USP49: variants seen among roughly 807,000 people sequenced by gnomAD.
The protein encoded by USP49 is ubiquitin specific peptidase 49.
Under a neutral mutation model 58.6 loss-of-function variants are expected in USP49, and 24 were observed. The ratio of observed to expected loss-of-function variants is 0.41; its 90% CI spans 0.30 to 0.58. The LOEUF (loss-of-function observed/expected upper bound fraction) is 0.58. Among genes scored for constraint, USP49 ranks in the 20% least tolerant of loss-of-function variants. USP49 has a pLI of 0.30. For synonymous variants in USP49, 408 were observed against 365.1 expected (o/e 1.12, Z -1.34); for missense variants, 703 against 866.1 (o/e 0.81, Z 2.36).
intron 1 of USP49, among the ~76,000 whole-genome samples, chr6:41,895,112 GC>G (rs2127368870): frequency 7.0e-6 from 1 of 143,596 alleles, no homozygotes; most frequent in South Asian, 2.2e-4. Context: ...GGCGCGCGCT[GC>G]CTTTGTCGCC....
chr6:41,875,687 TC>T (rs1774491554), intron 2 of USP49, among the ~76,000 whole-genome samples: 1 of 152,208 alleles, frequency 6.6e-6, no homozygotes, highest in South Asian at 2.1e-4. Context: ...TTAAGTGTTT[TC>T]CTTGACCCAG....
intron 3 of USP49, among the ~76,000 whole-genome samples, chr6:41,856,243 C>T (rs1474785874): frequency 4.6e-5 from 7 of 151,090 alleles, no homozygotes; most frequent in Non-Finnish European, 8.8e-5. Flanking sequence ...GGCGTGGTGG[C>T]GGGCGCCTGT....
chr6:41,829,568 C>T (rs1467562184), intron 3 of USP49, among the ~76,000 whole-genome samples: 4 of 152,188 alleles, frequency 2.6e-5, no homozygotes, highest in Admixed American at 2.6e-4. Flanking sequence ...CCACCTCAGC[C>T]TTCCAAAGTG....
chr6:41,805,702 A>G lies in USP49; in HGVS notation c.1282T>C (p.Phe428Leu). 1 of 1,614,146 alleles carries G rather than the reference A, an allele frequency of 6.2e-7. No homozygotes were observed. The highest frequency in any genetic ancestry group is 1.7e-5 in the Admixed American group (1 of 60,028). Residue 428 changes from phenylalanine to leucine, a missense_variant, in exon 4 of 8, where the codon TTC becomes CTC. Coordinates refer to ENST00000682992, the MANE Select transcript of USP49 (RefSeq NM_001286554.2). ...EGTTRRILIPFSQRKLTKQVL... is the reference protein window; with the variant it reads ...EGTTRRILIPLSQRKLTKQVL... The stretch of plus-strand genomic sequence containing the variant: ...TGTTTGGTGAGCTTCCTCTGGGAGA[A>G]GGGGATGAGGATCCGGCGTGTGGTG...
At chr6:41,810,925 C>A (rs759788262) in intron 3 of USP49, among the ~76,000 whole-genome samples, 5 of 152,146 alleles carry the variant, frequency 3.3e-5, no homozygotes, top group Non-Finnish European at 7.3e-5. Flanking sequence ...TTTCTGTGAG[C>A]AAATGCAGTT....
At chr6:41,807,241 G>A (rs1773157245) in intron 3 of USP49, among the ~76,000 whole-genome samples, 2 of 152,224 alleles carry the variant, frequency 1.3e-5, no homozygotes, top group Admixed American at 6.5e-5. Flanking sequence ...AGACTCTTAC[G>A]GAAGGGTTAG....
rs11754895 is a variant in USP49, at chr6:41,877,479, G to T, written c.-102-5842C>A. On this transcript the variant is annotated intron_variant, in intron 2 of 7. Coordinates refer to ENST00000682992, the MANE Select transcript of USP49 (RefSeq NM_001286554.2). Reference sequence around the variant, plus strand: ...AAAGGGTTATTTATCATCCATTATTGTGTCCTGTTGACACAGCATAGTACA... The same window carrying T: ...AAAGGGTTATTTATCATCCATTATTTTGTCCTGTTGACACAGCATAGTACA... Among the ~76,000 whole-genome samples the T allele has an allele frequency of 7.0e-3, 1,071 of 152,084 alleles. 6 individuals carry two copies. The highest frequency in any genetic ancestry group is 0.011 in the Non-Finnish European group (755 of 67,990).
intron 3 of USP49, among the ~76,000 whole-genome samples, chr6:41,847,008 T>G (rs748051750): frequency 3.9e-5 from 6 of 152,034 alleles, no homozygotes; most frequent in Non-Finnish European, 7.4e-5. Context: ...GGTTGAGAGA[T>G]CCTGGAAACA....
At chr6:41,865,916 CTTTTT>C (rs34663718) in intron 3 of USP49, among the ~76,000 whole-genome samples, 14 of 65,388 alleles carry the variant, frequency 2.1e-4, no homozygotes, top group African/African-American at 7.9e-4. Flanking sequence ...AGCATGGTGC[CTTTTT>C]TTTTTTTTTT....
rs749911619 is a variant in USP49, at chr6:41,798,933, G to C, written c.1671-4C>G. The C allele has an allele frequency of 1.2e-5, 20 of 1,613,284 alleles. No individual in the cohort carries two copies. In the Admixed American group the frequency reaches 3.3e-4, roughly 27 times the overall value. On this transcript the variant is annotated splice_polypyrimidine_tract_variant and splice_region_variant and intron_variant, in intron 6 of 7. Coordinates refer to ENST00000682992, the MANE Select transcript of USP49 (RefSeq NM_001286554.2). ...TCGATGATTACGGCCAGACCACCTAGAACATGGATATAAGCTTGTTACTAG... is the reference window on the plus strand; with the variant it reads ...TCGATGATTACGGCCAGACCACCTACAACATGGATATAAGCTTGTTACTAG...
At position 41,805,885 on chromosome 6, in the gene USP49, C is replaced by G; in HGVS notation, c.1099G>C (p.Val367Leu). The stretch of plus-strand genomic sequence containing the variant: ...AGGGCCCACTTCCCGGACCACATGA[C>G]TCGGAAGAGGGTGTGCAGTTCACGG... The part of the protein sequence containing the change: ...LCRELHTLFR[V>L]MWSGKWALVS... Residue 367 changes from valine (V) to leucine (L), a missense_variant, in exon 4 of 8, where the codon GTC becomes CTC. Transcript: ENST00000682992. 1 of 1,613,998 alleles carries G rather than the reference C, an allele frequency of 6.2e-7. No individual in the cohort carries two copies. The highest frequency in any genetic ancestry group is 8.5e-7 in the Non-Finnish European group (1 of 1,180,030).
intron 3 of USP49, among the ~76,000 whole-genome samples, chr6:41,867,198 T>G (rs1245909640): frequency 1.3e-5 from 2 of 152,224 alleles, no homozygotes; most frequent in Admixed American, 6.5e-5. Flanking sequence ...AAATGTCAAT[T>G]GTTAGTGCAC....
chr6:41,856,272 G>A (rs1462877922), intron 3 of USP49, among the ~76,000 whole-genome samples: 2 of 151,794 alleles, frequency 1.3e-5, no homozygotes, highest in Non-Finnish European at 2.9e-5. Flanking sequence ...CTACTCGGAA[G>A]GCTGAGTCAG....
chr6:41,840,798 T>C (rs1773812087), intron 3 of USP49, among the ~76,000 whole-genome samples: 1 of 152,158 alleles, frequency 6.6e-6, no homozygotes, highest in African/African-American at 2.4e-5. Context: ...ATTTGTAATG[T>C]CTAATTTTTA....
At chr6:41,839,164 T>G (rs1361992937) in intron 3 of USP49, among the ~76,000 whole-genome samples, 1 of 151,594 alleles carries the variant, frequency 6.6e-6, no homozygotes, top group African/African-American at 2.4e-5. Flanking sequence ...CCTAGTACTT[T>G]GGAAGGCTGA....
At chr6:41,894,693 T>C (rs1474539592) in intron 1 of USP49, among the ~76,000 whole-genome samples, 2 of 150,892 alleles carry the variant, frequency 1.3e-5, no homozygotes. Flanking sequence ...CACCACCCGC[T>C]ACGAAGATTT....
chr6:41,805,755 T>C lies in USP49; in HGVS notation c.1229A>G (p.Lys410Arg), dbSNP rs1773103482. 2 of 1,613,996 alleles carry C rather than the reference T, an allele frequency of 1.2e-6. No homozygotes were observed. The highest frequency in any genetic ancestry group is 1.1e-5 in the South Asian group (1 of 91,080). ...AQEFLCELLH[K>R]VQQELESEGT... ...CTCAGACTCGAGTTCCTGCTGCACC[T>C]TGTGCAGCAGCTCGCAGAGAAATTC... The change falls in exon 4 of 8, where the codon AAG (lysine) becomes AGG (arginine). Residue 410 changes from lysine (K) to arginine (R), a missense_variant. Lys to Arg is a conservative substitution (Grantham distance 26, BLOSUM62 2). Coordinates refer to ENST00000682992, the MANE Select transcript of USP49 (RefSeq NM_001286554.2).
At chr6:41,838,216 TGG>T (rs1440877077) in intron 3 of USP49, among the ~76,000 whole-genome samples, 6 of 152,236 alleles carry the variant, frequency 3.9e-5, no homozygotes, top group Non-Finnish European at 8.8e-5. Flanking sequence ...TGCCCATCAA[TGG>T]CAGACTGGGT....
chr6:41,879,668 G>A (rs1774569282), intron 2 of USP49, among the ~76,000 whole-genome samples: 1 of 152,158 alleles, frequency 6.6e-6, no homozygotes, highest in Non-Finnish European at 1.5e-5. Flanking sequence ...CTAGGGGCAG[G>A]CCCACCAGTC....
Sources: gnomAD v4.1 joint callset for allele counts (sites outside exome capture counted in the v4.1 genomes callset) on GRCh38, gnomAD v4.1.1 for gene constraint, MANE v1.5 for transcripts, NCBI Gene and HGNC (gene_info 2026-07-23, HGNC 2026-07-21) for gene names.